The following ZSCAN2 variants were observed in gnomAD, a reference collection of about 807,000 sequenced individuals.
ZSCAN2 encodes the protein zinc finger and SCAN domain-containing protein 2.
A neutral mutation model predicts 47.8 loss-of-function variants in ZSCAN2; 26 were observed. The ratio of observed to expected loss-of-function variants is 0.54; its 90% CI spans 0.40 to 0.75. The LOEUF (loss-of-function observed/expected upper bound fraction) is 0.75, where lower values mean the gene tolerates loss of function less well. Ranked by LOEUF, ZSCAN2 falls within the 30% of genes least tolerant of loss-of-function variation. ZSCAN2 has a pLI of 0.00. For synonymous variants in ZSCAN2, 305 were observed against 288.7 expected, an observed-to-expected ratio of 1.06 and a Z score of -0.57; for missense variants, 732 against 785.4, an observed-to-expected ratio of 0.93 and a Z score of 0.81.
At position 84,622,507 on chromosome 15, in the gene ZSCAN2, G is replaced by C. The variant is rs1015094330; in HGVS notation, c.*467G>C. On this transcript the variant is annotated 3_prime_UTR_variant, in exon 3 of 3. Coordinates refer to ENST00000546148, the MANE Select transcript of ZSCAN2 (RefSeq NM_181877.4). ...GGTGCCTTCACCCCAAGCTGTTAGT[G>C]TTCCAGGGCACCCCAAGCTGTCAGT... 3.0e-6 allele frequency: 2 copies of C among 666,874 alleles called. No individual in the cohort carries two copies. Among genetic ancestry groups the C allele is most frequent in the African/African-American group, 1.8e-5 (1 of 55,504 alleles). 41.3% of individuals were successfully genotyped at this position (666,874 alleles called of 1,614,324 possible).
At chr15:84,617,430 CA>C (rs148707539) in intron 2 of ZSCAN2, among the ~76,000 whole-genome samples, 67 of 140,828 alleles carry the variant, frequency 4.8e-4, no homozygotes, top group Admixed American at 5.7e-4. Flanking sequence ...AGTGAGACTC[CA>C]AAAAAAAAAA....
chr15:84,601,647 C>T (rs1895206043), intron 1 of ZSCAN2, among the ~76,000 whole-genome samples: 1 of 151,444 alleles, frequency 6.6e-6, no homozygotes, highest in Non-Finnish European at 1.5e-5. Flanking sequence ...GTCAGCTTTT[C>T]TCCCCTTTTC....
At chr15:84,615,339 CTTT>C (rs1895667015) in intron 2 of ZSCAN2, among the ~76,000 whole-genome samples, 1 of 151,932 alleles carries the variant, frequency 6.6e-6, no homozygotes, top group Non-Finnish European at 1.5e-5. Flanking sequence ...CTGTTTCTAT[CTTT>C]TTGTTTAAGA....
At chr15:84,604,456 C>A in intron 2 of ZSCAN2, 123 bp downstream of exon 2, 1 of 1,269,860 alleles carries the variant, frequency 7.9e-7, no homozygotes, top group Non-Finnish European at 1.1e-6. Context: ...CATCCCTCTG[C>A]TCTGTCTGCA....
chr15:84,619,581 A>G (rs1047150388), intron 2 of ZSCAN2, among the ~76,000 whole-genome samples: 1 of 152,236 alleles, frequency 6.6e-6, no homozygotes, highest in African/African-American at 2.4e-5. Flanking sequence ...TCTAAATACA[A>G]AGTAATGCGG....
chr15:84,616,222 G>C, intron 2 of ZSCAN2: 1 of 808,912 alleles, frequency 1.2e-6, no homozygotes, highest in Non-Finnish European at 2.2e-6. Context: ...GGGTGACAGA[G>C]TGAGACTTCA....
rs1444000311 is a variant in ZSCAN2 at position 84,622,221 on chromosome 15, T to A, written c.*181T>A. On this transcript the variant is annotated 3_prime_UTR_variant, in exon 3 of 3. Coordinates refer to ENST00000546148, the MANE Select transcript of ZSCAN2 (RefSeq NM_181877.4). The stretch of plus-strand genomic sequence containing the variant: ...TTTTAGTGGTCTGAGTCAAGTCCCG[T>A]ATACATTCAAGAACAGGGCATAGGC... 4.7e-6 allele frequency: 3 copies of A among 638,126 alleles called. No individual in the cohort carries two copies. The South Asian group carries it at 6.1e-5, about 13-fold the overall frequency. The allele number at this position is 638,126 out of a possible 1,614,324, so 39.5% of individuals were successfully genotyped here. A position where few individuals can be genotyped will look rare whatever the true frequency, so the allele number is the denominator to read the frequency against.
chr15:84,610,647 C>T lies in ZSCAN2; in HGVS notation c.406+6314C>T, dbSNP rs1036751831. 6.6e-5 allele frequency among the ~76,000 whole-genome samples: 10 copies of T among 152,040 alleles called. No homozygotes were observed. The East Asian group carries it at 9.7e-4, about 15-fold the overall frequency. On this transcript the variant is annotated intron_variant, in intron 2 of 2. Transcript: ENST00000546148. ...GACTACAGGCACCCACCACCACTCC[C>T]GGCTAATTTTTGTATTTTTAGAAGA...
intron 2 of ZSCAN2, chr15:84,614,729 C>T (rs1485209458): frequency 6.6e-6 from 1 of 151,532 alleles, no homozygotes; most frequent in Non-Finnish European, 1.5e-5. Flanking sequence ...AAGCAGTTCT[C>T]CTGCCTCAGC....
intron 2 of ZSCAN2, among the ~76,000 whole-genome samples, chr15:84,613,971 C>CTCTT (rs1397839536): frequency 7.3e-6 from 1 of 137,398 alleles, no homozygotes; most frequent in Admixed American, 7.7e-5. Flanking sequence ...TGAGCCACTG[C>CTCTT]TCTTGGCCTC....
chr15:84,613,414 G>C (rs1316581890), intron 2 of ZSCAN2, among the ~76,000 whole-genome samples: 1 of 152,062 alleles, frequency 6.6e-6, no homozygotes, highest in Non-Finnish European at 1.5e-5. Flanking sequence ...TCTGCCTCCT[G>C]GGTTCAAGCA....
intron 1 of ZSCAN2, chr15:84,602,327 A>G (rs1198662054): frequency 6.6e-6 from 1 of 152,134 alleles, no homozygotes; most frequent in Non-Finnish European, 1.5e-5. Flanking sequence ...GTGTTTATCC[A>G]TTATTTTCCT....
rs755433694 is a variant in ZSCAN2 at position 84,621,603 on chromosome 15, G to A, written c.1408G>A (p.Gly470Arg). The A allele has an allele frequency of 6.2e-7, 1 of 1,614,028 alleles. No individual in the cohort carries two copies. Among genetic ancestry groups the A allele is most frequent in the Non-Finnish European group, 8.5e-7 (1 of 1,179,992 alleles). The change falls in exon 3 of 3, where the codon GGG becomes AGG. Residue 470 changes from glycine to arginine, a missense_variant. Around this residue, in one of 2 missense-constraint regions of ZSCAN2, gnomAD observed 412 missense variants for 498.0 expected, o/e 0.83. Transcript: ENST00000546148. This position sits in a 1 kb window ranked among gnomAD's most constrained non-coding sequence, Gnocchi z 5.7. ...SLIAHQGMHT[G>R]EKPYECLTCG... ...GATTGCACACCAGGGCATGCACACA[G>A]GGGAGAAACCCTACGAGTGCCTGAC...
At chr15:84,620,189 C>G (rs1164004993) in intron 2 of ZSCAN2, among the ~76,000 whole-genome samples, 1 of 152,144 alleles carries the variant, frequency 6.6e-6, no homozygotes, top group Non-Finnish European at 1.5e-5. Flanking sequence ...AGAAAAGATG[C>G]AGTGTTTGGT....
chr15:84,603,400 A>G (rs1351055453), intron 1 of ZSCAN2, among the ~76,000 whole-genome samples: 3 of 136,366 alleles, frequency 2.2e-5, no homozygotes, highest in East Asian at 2.1e-4. Flanking sequence ...ACGGAGTCTC[A>G]CTCTGTTGCC....
rs1249104398 is a variant in ZSCAN2, at chr15:84,601,011, C to T, written c.-233C>T. 2 of 152,272 alleles carry T rather than the reference C, an allele frequency of 1.3e-5. No individual in the cohort carries two copies. The highest frequency in any genetic ancestry group is 6.5e-5 in the Admixed American group (1 of 15,282). The allele number at this position is 152,272 out of a possible 1,614,324, so 9.4% of individuals were successfully genotyped here. On this transcript the variant is annotated 5_prime_UTR_variant, in exon 1 of 3. Transcript: ENST00000546148. The stretch of plus-strand genomic sequence containing the variant: ...AATGAGCGCGGCGGTGGGCGGGCCT[C>T]TCCCGTCCATTGTTCTCGGTGCCCC...
chr15:84,605,583 A>G (rs1895356446), intron 2 of ZSCAN2, among the ~76,000 whole-genome samples: 1 of 152,154 alleles, frequency 6.6e-6, no homozygotes, highest in South Asian at 2.1e-4. Flanking sequence ...GGTAGGAAGT[A>G]GAGTTTGGGG....
intron 2 of ZSCAN2, chr15:84,606,938 G>A (rs767210523): frequency 1.6e-5 from 15 of 950,596 alleles, no homozygotes; most frequent in East Asian, 1.0e-4. Context: ...ACATTTACTC[G>A]ACATAAGGCC....
chr15:84,621,263 C>T lies in ZSCAN2; in HGVS notation c.1068C>T (p.His356=). ...RSSLNTHQGI[H]TGEKPYECKE... ...GCCTTAACACGCATCAGGGGATCCA[C>T]ACTGGAGAAAAGCCCTACGAATGTA... Residue 356 remains histidine, a synonymous_variant, in exon 3 of 3, where the codon CAC becomes CAT. Coordinates refer to ENST00000546148, the MANE Select transcript of ZSCAN2 (RefSeq NM_181877.4). The surrounding 1 kb of genome is among the most constrained non-coding windows in gnomAD (Gnocchi z 5.7). 1.9e-6 allele frequency: 3 copies of T among 1,613,958 alleles called. No homozygotes were observed. The highest frequency in any genetic ancestry group is 2.5e-6 in the Non-Finnish European group (3 of 1,179,992).
Sources: allele counts gnomAD v4.1 joint callset (sites outside exome capture counted in the v4.1 genomes callset), GRCh38; gene constraint gnomAD v4.1.1; regional missense constraint gnomAD v4.1.1; non-coding constraint Gnocchi (gnomAD v3.1); transcripts MANE v1.5; gene names NCBI Gene and HGNC (gene_info 2026-07-23, HGNC 2026-07-21).